Variants in PRELID2 observed in about 807,000 individuals in gnomAD.
The protein encoded by PRELID2 is PRELI domain-containing protein 2.
In PRELID2, 25 loss-of-function variants were observed where a neutral mutation model predicts 28.4. The ratio of observed to expected loss-of-function variants is 0.88; its 90% CI spans 0.64 to 1.23. The LOEUF (loss-of-function observed/expected upper bound fraction) is 1.23. PRELID2 is among the 50% of genes most tolerant of loss of function. PRELID2 has a pLI of 0.00. For synonymous variants in PRELID2, 76 were observed against 71.6 expected (o/e 1.06, Z -0.31); for missense variants, 201 against 214.4 (o/e 0.94, Z 0.39).
chr5:145,315,574 G>A, the PRELID2 span, among the ~76,000 whole-genome samples: 1 of 113,778 alleles, frequency 8.8e-6, no homozygotes, highest in Non-Finnish European at 2.0e-5. Flanking sequence ...GTGTGTGTGT[G>A]TGTGTGTGTG....
At chr5:145,695,309 C>T (rs887020591) in intron 1 of PRELID2, among the ~76,000 whole-genome samples, 1 of 152,102 alleles carries the variant, frequency 6.6e-6, no homozygotes, top group African/African-American at 2.4e-5. Flanking sequence ...CAGCAAAGAA[C>T]GTGCGCAAAA....
the PRELID2 span, among the ~76,000 whole-genome samples, chr5:145,271,767 G>A: frequency 6.6e-6 from 1 of 152,012 alleles, no homozygotes; most frequent in Non-Finnish European, 1.5e-5. Context: ...CAGAAACCTG[G>A]CATCTCCCTT....
chr5:145,708,331 T>A (rs1200476273), intron 1 of PRELID2, among the ~76,000 whole-genome samples: 2 of 152,184 alleles, frequency 1.3e-5, no homozygotes, highest in African/African-American at 2.4e-5. Flanking sequence ...ATTCTAACTC[T>A]TATTATTGGC....
At chr5:145,767,244 G>A (rs1757820790) in intron 5 of PRELID2, among the ~76,000 whole-genome samples, 2 of 151,286 alleles carry the variant, frequency 1.3e-5, no homozygotes, top group Non-Finnish European at 2.9e-5. Flanking sequence ...TGACTTCAGA[G>A]GGATGGCTTG....
chr5:145,565,827 A>G (rs1267942710), intron 1 of PRELID2, among the ~76,000 whole-genome samples: 1 of 152,192 alleles, frequency 6.6e-6, no homozygotes, highest in Non-Finnish European at 1.5e-5. Context: ...AGTAGGTGTA[A>G]GTCTAAGCAA....
chr5:145,381,787 T>A, the PRELID2 span: 4 of 152,092 alleles, frequency 2.6e-5, no homozygotes, highest in African/African-American at 7.2e-5. Context: ...TAATCAACCT[T>A]CTATAACAAA....
chr5:145,572,911 T>C (rs1295929274), intron 1 of PRELID2, among the ~76,000 whole-genome samples: 1 of 152,190 alleles, frequency 6.6e-6, no homozygotes, highest in African/African-American at 2.4e-5. Flanking sequence ...TTGTGATTAC[T>C]CTTCTGGCAT....
chr5:145,370,949 T>C, the PRELID2 span, among the ~76,000 whole-genome samples: 1 of 152,122 alleles, frequency 6.6e-6, no homozygotes, highest in African/African-American at 2.4e-5. Flanking sequence ...ATGCTTGTGA[T>C]TTTTGCACAT....
chr5:145,440,147 G>A, the PRELID2 span, among the ~76,000 whole-genome samples: 11 of 152,116 alleles, frequency 7.2e-5, no homozygotes, highest in South Asian at 2.1e-4. Context: ...TGGATGAACC[G>A]TTTAAATAAG....
intron 1 of PRELID2, among the ~76,000 whole-genome samples, chr5:145,568,587 T>C (rs1032036966): frequency 1.7e-4 from 26 of 152,344 alleles, no homozygotes; most frequent in Non-Finnish European, 3.4e-4. Context: ...AAAATAAATG[T>C]GACACTGACT....
At chr5:145,334,428 T>A in the PRELID2 span, among the ~76,000 whole-genome samples, 1,347 of 152,316 alleles carry the variant, frequency 8.8e-3, 26 homozygotes, top group African/African-American at 0.031. Flanking sequence ...ATGTAATATA[T>A]TATTGTTGCT....
chr5:145,335,272 A>G, the PRELID2 span, among the ~76,000 whole-genome samples: 2 of 151,354 alleles, frequency 1.3e-5, no homozygotes, highest in Non-Finnish European at 2.9e-5. Flanking sequence ...TTGCATTTTT[A>G]TCTCATTCGT....
the PRELID2 span, among the ~76,000 whole-genome samples, chr5:145,374,353 G>T: frequency 2.0e-5 from 3 of 152,286 alleles, no homozygotes; most frequent in African/African-American, 4.8e-5. Context: ...GAAGTCTGCT[G>T]TTAGTCTGAT....
the PRELID2 span, among the ~76,000 whole-genome samples, chr5:145,453,449 C>A: frequency 6.6e-6 from 1 of 152,102 alleles, no homozygotes; most frequent in East Asian, 1.9e-4. Flanking sequence ...TCCCATTGCT[C>A]TTTTTTATTT....
chr5:145,561,852 CA>C (rs1561506615), intron 1 of PRELID2, among the ~76,000 whole-genome samples: 1 of 151,780 alleles, frequency 6.6e-6, no homozygotes, highest in Admixed American at 6.6e-5. Context: ...AGGTATAAGT[CA>C]AAAAAAAGTA....
the PRELID2 span, among the ~76,000 whole-genome samples, chr5:145,336,652 C>T: frequency 6.6e-6 from 1 of 152,132 alleles, no homozygotes; most frequent in Non-Finnish European, 1.5e-5. Flanking sequence ...GCTATAAAGA[C>T]ACATGCACAC....
chr5:145,654,843 C>G (rs998034230), intron 1 of PRELID2, among the ~76,000 whole-genome samples: 24 of 152,122 alleles, frequency 1.6e-4, no homozygotes, highest in African/African-American at 5.3e-4. Flanking sequence ...TGGCACAAGA[C>G]AGGGATGCCC....
chr5:145,627,189 G>C (rs149453940), intron 1 of PRELID2, among the ~76,000 whole-genome samples: 2 of 93,666 alleles, frequency 2.1e-5, no homozygotes, highest in Admixed American at 1.1e-4. Flanking sequence ...CCATAAAAAA[G>C]AATGAAATCG....
At chr5:145,538,238 G>A (rs1327244962) in intron 1 of PRELID2, among the ~76,000 whole-genome samples, 1 of 151,762 alleles carries the variant, frequency 6.6e-6, no homozygotes, top group African/African-American at 2.4e-5. Flanking sequence ...ATACTGTTCT[G>A]GTTACTATAG....
Sources: allele counts gnomAD v4.1 joint callset (sites outside exome capture counted in the v4.1 genomes callset), GRCh38; gene constraint gnomAD v4.1.1; transcripts MANE v1.5; gene names NCBI Gene and HGNC (gene_info 2026-07-23, HGNC 2026-07-21).